The following TNNT3 variants were observed in gnomAD, a reference collection of about 807,000 sequenced individuals.
The protein encoded by TNNT3 is troponin T, fast skeletal muscle.
TNNT3 carries 36 observed loss-of-function variants against 54.2 expected under a neutral mutation model. The observed-to-expected ratio is 0.66, with a 90% confidence interval of 0.51 to 0.88. The LOEUF (loss-of-function observed/expected upper bound fraction) is 0.88. TNNT3 is among the 40% of genes least tolerant of loss of function. The pLI is 0.00. For synonymous variants in TNNT3, 120 were observed against 109.7 expected (o/e 1.09, Z -0.59); for missense variants, 291 against 331.6 (o/e 0.88, Z 0.95).
chr11:1,922,819 TCC>T, intron 1 of TNNT3, 36 bp from the exon 2 acceptor site: 1 of 1,518,674 alleles, frequency 6.6e-7, no homozygotes, highest in Non-Finnish European at 9.1e-7. Flanking sequence ...TCTCTTTCCA[TCC>T]TCTCTCTCTC....
In TNNT3 at chr11:1,929,279, C is replaced by A. The variant is rs1852580858; in HGVS notation, c.106+136C>A. ...TCTTTCTCTTCCCCTGGCACGGGGG[C>A]CTCGGAGGGCCAGGCCTTGCTGCTC... On this transcript the variant is annotated intron_variant, in intron 7 of 15. Coordinates refer to ENST00000278317, the MANE Select transcript of TNNT3 (RefSeq NM_006757.4). 3 of 1,156,032 alleles carry A rather than the reference C, an allele frequency of 2.6e-6. No individual in the cohort carries two copies. In the Admixed American group the frequency reaches 5.2e-5, roughly 20 times the overall value. 71.6% of individuals were successfully genotyped at this position (1,156,032 alleles called of 1,614,324 possible). A position where few individuals can be genotyped will look rare whatever the true frequency, so the allele number is the denominator to read the frequency against.
rs1382964094 is a variant in TNNT3, at chr11:1,926,696, G to A, written c.69G>A (p.Glu23=). ...GCCACCATGACGCTGCTTCTGCAGAGGAAGTTCAAGAAGGTACGCCGGCGC... is the reference window on the plus strand; with the variant it reads ...GCCACCATGACGCTGCTTCTGCAGAAGAAGTTCAAGAAGGTACGCCGGCGC... ...YEEEEEAQEE[E]EVQEDTAEED... The change falls in exon 6 of 16, where the codon GAG becomes GAA. Residue 23 remains glutamate (E), a splice_region_variant and synonymous_variant. Transcript: ENST00000278317. The A allele has an allele frequency of 2.0e-5, 32 of 1,613,364 alleles. No individual in the cohort carries two copies. Among genetic ancestry groups the A allele is most frequent in the Non-Finnish European group, 2.5e-5 (29 of 1,180,036 alleles).
chr11:1,938,391 T>A (rs868579122), intron 15 of TNNT3, 47 bp from the exon 16 acceptor site: 6 of 1,600,374 alleles, frequency 3.7e-6, no homozygotes, highest in Middle Eastern at 3.4e-4. Context: ...AGGAGGGGCA[T>A]GGCCAGAGGC....
intron 8 of TNNT3, 23 bp from the exon 9 acceptor site, chr11:1,932,446 G>C: frequency 1.2e-6 from 2 of 1,613,036 alleles, no homozygotes; most frequent in East Asian, 2.2e-5. Context: ...CTCTGCTCAC[G>C]GGCCTCTCTG....
chr11:1,924,028 C>T (rs1022113362), intron 4 of TNNT3, among the ~76,000 whole-genome samples: 1 of 152,116 alleles, frequency 6.6e-6, no homozygotes, highest in Non-Finnish European at 1.5e-5. Context: ...TTCCGTGTCT[C>T]TCTTGGCAAC....
chr11:1,934,694 G>T, intron 13 of TNNT3, 39 bp downstream of exon 13: 1 of 1,604,730 alleles, frequency 6.2e-7, no homozygotes. Context: ...CCCACGGGGT[G>T]GCCCCTGCAG....
intron 8 of TNNT3, 51 bp downstream of exon 8, chr11:1,929,879 G>T: frequency 6.6e-7 from 1 of 1,508,324 alleles, no homozygotes; most frequent in Non-Finnish European, 8.9e-7. Context: ...CTGGGGTGGG[G>T]GTGGTCAAGT....
At position 1,935,080 on chromosome 11, in the gene TNNT3, T is replaced by C. The variant is rs372578266; in HGVS notation, c.681+161T>C. The C allele has an allele frequency of 2.0e-4, 147 of 724,166 alleles. 2 individuals carry two copies. Among genetic ancestry groups the C allele is most frequent in the East Asian group, 1.1e-3 (41 of 37,268 alleles). 44.9% of individuals were successfully genotyped at this position (724,166 alleles called of 1,614,324 possible). On this transcript the variant is annotated intron_variant, in intron 14 of 15. Coordinates refer to ENST00000278317, the MANE Select transcript of TNNT3 (RefSeq NM_006757.4). ...GTTGCCACGGACCCCTGGCTGAGGC[T>C]GCTTTCCTGCTGGGGACTGTGGCCA...
chr11:1,929,306 G>A (rs115985047), intron 7 of TNNT3, among the ~76,000 whole-genome samples, 163 bp downstream of exon 7: 8 of 152,176 alleles, frequency 5.3e-5, no homozygotes, highest in African/African-American at 1.4e-4. Flanking sequence ...TTGCTGCTCC[G>A]CACGGTGCCG....
chr11:1,928,980 G>A lies in TNNT3; in HGVS notation c.83-140G>A, dbSNP rs764789390. 6.0e-5 allele frequency: 58 copies of A among 964,832 alleles called. No individual in the cohort carries two copies. In the African/African-American group the frequency reaches 6.5e-4, roughly 11 times the overall value. The allele number at this position is 964,832 out of a possible 1,614,324, so 59.8% of individuals were successfully genotyped here. On this transcript the variant is annotated intron_variant, in intron 6 of 15. Coordinates refer to ENST00000278317, the MANE Select transcript of TNNT3 (RefSeq NM_006757.4). ...CAGCTTGGGGCACTTGTAGGGCCCC[G>A]CAGGCACACCCTGGAGAAGAGAGTG...
At chr11:1,934,478 C>T in intron 12 of TNNT3, 33 bp downstream of exon 12, 1 of 1,611,174 alleles carries the variant, frequency 6.2e-7, no homozygotes, top group Non-Finnish European at 8.5e-7. Flanking sequence ...CGGTGGTAGC[C>T]TTCAGTGTGG....
chr11:1,928,942 G>T, intron 6 of TNNT3, 178 bp from the exon 7 acceptor site: 3 of 713,544 alleles, frequency 4.2e-6, no homozygotes, highest in Non-Finnish European at 7.5e-6. Flanking sequence ...CCCAGGCATT[G>T]ATTCACCGGC....
At chr11:1,922,143 G>T (rs534234156) in intron 1 of TNNT3, among the ~76,000 whole-genome samples, 1 of 152,164 alleles carries the variant, frequency 6.6e-6, no homozygotes, top group Non-Finnish European at 1.5e-5. Context: ...CCAACCCAAC[G>T]TGCTCTGGGG....
chr11:1,923,589 C>T lies in TNNT3; in HGVS notation c.49+17C>T, dbSNP rs1024007574. Reference sequence around the variant, plus strand: ...AAGAAGAAGGTAATTCTGGCAACCACCGGAAGCCCCCCCAGCCCCTCCTTG... The same window carrying T: ...AAGAAGAAGGTAATTCTGGCAACCATCGGAAGCCCCCCCAGCCCCTCCTTG... On this transcript the variant is annotated intron_variant, in intron 4 of 15. Coordinates refer to ENST00000278317, the MANE Select transcript of TNNT3 (RefSeq NM_006757.4). 1 of 1,613,000 alleles carries T rather than the reference C, an allele frequency of 6.2e-7. No homozygotes were observed. The highest frequency in any genetic ancestry group is 1.1e-5 in the South Asian group (1 of 91,042).
At position 1,924,512 on chromosome 11, in the gene TNNT3, C is replaced by T. The variant is rs749483752; in HGVS notation, c.50-587C>T. Reference sequence around the variant, plus strand: ...TGAAAACACTTGGCTACCCTAACAACGTGAGCAAAACATTTATTTTTCTGC... The same window carrying T: ...TGAAAACACTTGGCTACCCTAACAATGTGAGCAAAACATTTATTTTTCTGC... On this transcript the variant is annotated intron_variant, in intron 4 of 15. Coordinates refer to ENST00000278317, the MANE Select transcript of TNNT3 (RefSeq NM_006757.4). Among the ~76,000 whole-genome samples, 4 of 152,224 alleles carry T rather than the reference C, an allele frequency of 2.6e-5. No individual in the cohort carries two copies. The South Asian group carries it at 8.3e-4, about 31-fold the overall frequency.
intron 4 of TNNT3, 105 bp from the exon 5 acceptor site, chr11:1,924,994 A>C: frequency 7.4e-7 from 1 of 1,350,344 alleles, no homozygotes. Context: ...TCTCCCGGCC[A>C]GCCGGCCTCC....
rs1851176861 is a variant in TNNT3, at chr11:1,925,133, G to A, written c.67+17G>A. On this transcript the variant is annotated intron_variant, in intron 5 of 15. Transcript: ENST00000278317. The stretch of plus-strand genomic sequence containing the variant: ...AGGAGGAAGGTAAGTGGGGTCCAAG[G>A]CCCCGGCCCCCATGCCCACTCCCCA... 2 of 1,612,126 alleles carry A rather than the reference G, an allele frequency of 1.2e-6. No individual in the cohort carries two copies. Among genetic ancestry groups the A allele is most frequent in the Non-Finnish European group, 1.7e-6 (2 of 1,179,460 alleles).
At position 1,932,514 on chromosome 11, in the gene TNNT3, TG is replaced by T; in HGVS notation, c.171+1del. On this transcript the variant is annotated splice_donor_variant, in intron 9 of 15. Coordinates refer to ENST00000278317, the MANE Select transcript of TNNT3 (RefSeq NM_006757.4). LOFTEE classifies it high-confidence loss of function. ...CAGAAGGGGAGAAAGTGGACTTCGA[TG>T]TAAGTTTACAGGACTCTGGTTAACA... is the stretch of plus-strand genomic sequence containing the variant. 1.2e-6 allele frequency: 2 copies of T among 1,613,872 alleles called. No individual in the cohort carries two copies. Among genetic ancestry groups the T allele is most frequent in the Non-Finnish European group, 1.7e-6 (2 of 1,179,940 alleles).
chr11:1,922,494 C>G (rs986125197), intron 1 of TNNT3, among the ~76,000 whole-genome samples: 2 of 152,154 alleles, frequency 1.3e-5, no homozygotes, highest in Admixed American at 6.5e-5. Context: ...GGACGGCACA[C>G]GGCCTGCATT....
Sources: gnomAD v4.1 joint callset for allele counts (sites outside exome capture counted in the v4.1 genomes callset) on GRCh38, gnomAD v4.1.1 for gene constraint, MANE v1.5 for transcripts, NCBI Gene and HGNC (gene_info 2026-07-23, HGNC 2026-07-21) for gene names.